Variants in TSGA10 observed in about 807,000 individuals in gnomAD.
TSGA10 encodes the protein testis-specific gene 10 protein.
Under a neutral mutation model 96.6 loss-of-function variants are expected in TSGA10, and 43 were observed. The observed-to-expected ratio is 0.44, with a 90% CI of 0.35 to 0.57. The LOEUF (loss-of-function observed/expected upper bound fraction) is 0.57, where lower values mean the gene tolerates loss of function less well. Ranked by LOEUF, TSGA10 falls within the 20% of genes least tolerant of loss-of-function variation. The pLI, the probability that TSGA10 is intolerant of heterozygous loss-of-function variation, is 0.01. For synonymous variants in TSGA10, 229 were observed against 269.9 expected, an observed-to-expected ratio of 0.85 and a Z score of 1.48; for missense variants, 703 against 834.4, an observed-to-expected ratio of 0.84 and a Z score of 1.94.
In TSGA10 at chr2:99,118,555, C is replaced by G; in HGVS notation, c.-360G>C. 1 of 982,056 alleles carries G rather than the reference C, an allele frequency of 1.0e-6. No individual in the cohort carries two copies. The highest frequency in any genetic ancestry group is 1.2e-6 in the Non-Finnish European group (1 of 827,690). The allele number at this position is 982,056 out of a possible 1,614,324, so 60.8% of individuals were successfully genotyped here. On this transcript the variant is annotated 5_prime_UTR_variant, in exon 3 of 21. Coordinates refer to ENST00000393483, the MANE Select transcript of TSGA10 (RefSeq NM_025244.4). ...TTGAAAGTATCAGTAACTTACTTGACTAAGCTAAATATCAAATCAATCAAG... is the reference window on the plus strand; with the variant it reads ...TTGAAAGTATCAGTAACTTACTTGAGTAAGCTAAATATCAAATCAATCAAG...
intron 20 of TSGA10, among the ~76,000 whole-genome samples, chr2:98,999,760 T>C (rs1269219425): frequency 2.0e-5 from 3 of 152,248 alleles, no homozygotes; most frequent in Non-Finnish European, 4.4e-5. Flanking sequence ...TGTTCTATTC[T>C]ATTTTTGAGA....
Position 99,105,558 on chromosome 2 carries a change from G to T in TSGA10, c.350C>A (p.Thr117Lys). ...VAFTDLRRMT[T>K]ERDSLRERLK... ...CCTCTCCCTTAGACTATCTCGTTCT[G>T]TGGTCATTCTTCGTAAATCAGTAAA... is the stretch of plus-strand genomic sequence containing the variant. Residue 117 changes from threonine to lysine, a missense_variant, in exon 8 of 21, where the codon ACA becomes AAA. Coordinates refer to ENST00000393483, the MANE Select transcript of TSGA10 (RefSeq NM_025244.4). The T allele has an allele frequency of 6.2e-7, 1 of 1,612,238 alleles. No individual in the cohort carries two copies. Among genetic ancestry groups the T allele is most frequent in the Non-Finnish European group, 8.5e-7 (1 of 1,178,436 alleles).
At chr2:99,047,162 C>G (rs983572958) in intron 16 of TSGA10, among the ~76,000 whole-genome samples, 41 of 152,194 alleles carry the variant, frequency 2.7e-4, no homozygotes, top group African/African-American at 9.7e-4. Context: ...GAGCTGGTAC[C>G]TTTCCTTCTG....
chr2:99,082,423 G>A (rs924265119), intron 10 of TSGA10, among the ~76,000 whole-genome samples: 1 of 152,044 alleles, frequency 6.6e-6, no homozygotes, highest in Admixed American at 6.6e-5. Context: ...CCCCTTCCTC[G>A]AGGCTGAGAG....
rs116333015 is a variant in TSGA10, at chr2:99,035,220, T to C, written c.1614+10A>G. Reference sequence around the variant, plus strand: ...AGCAATTTTAAAGATTTTTAAAATATATTACATACCATTTCTATTTCTTGA... The same window carrying C: ...AGCAATTTTAAAGATTTTTAAAATACATTACATACCATTTCTATTTCTTGA... On this transcript the variant is annotated intron_variant, in intron 17 of 20. Transcript: ENST00000393483. 5,397 of 1,582,772 alleles carry C rather than the reference T, an allele frequency of 3.4e-3. 166 individuals are homozygous for C. In the African/African-American group the frequency reaches 0.065, roughly 19 times the overall value.
chr2:99,105,328 A>G, intron 9 of TSGA10, 31 bp downstream of exon 9: 1 of 1,562,634 alleles, frequency 6.4e-7, no homozygotes, highest in Non-Finnish European at 8.6e-7. Flanking sequence ...GTTTATAGCC[A>G]AAAGAGACTT....
intron 20 of TSGA10, among the ~76,000 whole-genome samples, chr2:99,006,108 G>A (rs1245605262): frequency 1.3e-5 from 2 of 152,174 alleles, no homozygotes; most frequent in Non-Finnish European, 2.9e-5. Context: ...AGCTGAAACT[G>A]GATCCCTTCC....
chr2:99,078,602 T>TAAATG lies in TSGA10; in HGVS notation c.882+56_882+57insCATTT, dbSNP rs2087037202. 3 of 1,491,956 alleles carry TAAATG rather than the reference T, an allele frequency of 2.0e-6. No homozygotes were observed. The African/African-American group carries it at 4.2e-5, about 21-fold the overall frequency. 92.4% of individuals were successfully genotyped at this position (1,491,956 alleles called of 1,614,324 possible). ...GATTCTAGTTCTTTTAAACCATAGT[T>TAAATG]TAACATTTAACATTTCATTTAAACG... On this transcript the variant is annotated intron_variant, in intron 12 of 20. Coordinates refer to ENST00000393483, the MANE Select transcript of TSGA10 (RefSeq NM_025244.4).
chr2:99,107,679 G>A (rs866637375), intron 7 of TSGA10, among the ~76,000 whole-genome samples: 27 of 152,266 alleles, frequency 1.8e-4, no homozygotes, highest in Middle Eastern at 6.8e-3. Flanking sequence ...TAAAAATGAT[G>A]TGAAATTCAA....
intron 12 of TSGA10, among the ~76,000 whole-genome samples, chr2:99,077,942 T>C (rs933554387): frequency 2.6e-5 from 4 of 152,128 alleles, no homozygotes; most frequent in African/African-American, 9.6e-5. Context: ...ACCAGCCCTA[T>C]ATGATCTATT....
intron 20 of TSGA10, among the ~76,000 whole-genome samples, chr2:99,009,814 T>G (rs2078851671): frequency 1.3e-5 from 2 of 152,134 alleles, no homozygotes; most frequent in African/African-American, 4.8e-5. Flanking sequence ...TTGTTTATAT[T>G]TTTAAATGAG....
At chr2:99,133,099 T>A (rs2093172391) in intron 1 of TSGA10, among the ~76,000 whole-genome samples, 1 of 152,222 alleles carries the variant, frequency 6.6e-6, no homozygotes, top group African/African-American at 2.4e-5. Flanking sequence ...TAGATGTCTG[T>A]TAGGTCCGGT....
chr2:99,082,365 A>G (rs915436031), intron 10 of TSGA10, among the ~76,000 whole-genome samples: 1 of 152,068 alleles, frequency 6.6e-6, no homozygotes, highest in Non-Finnish European at 1.5e-5. Flanking sequence ...GAATTATTGC[A>G]TTTGAGCTCC....
At chr2:99,051,453 T>C (rs1201534316) in intron 16 of TSGA10, among the ~76,000 whole-genome samples, 4 of 152,114 alleles carry the variant, frequency 2.6e-5, no homozygotes, top group Non-Finnish European at 5.9e-5. Context: ...TACGTATATA[T>C]GAACTCAGTA....
chr2:99,018,838 G>A (rs1216679019), intron 18 of TSGA10, among the ~76,000 whole-genome samples, 198 bp from the exon 19 acceptor site: 2 of 152,110 alleles, frequency 1.3e-5, no homozygotes, highest in East Asian at 3.9e-4. Context: ...TACTTGAAAA[G>A]CCTAAGCAAT....
chr2:98,997,641 A>T lies in TSGA10; in HGVS notation c.*556T>A, dbSNP rs1220249766. ...TTACTTAGTCTTTGAGTGGTACAAT[A>T]CTATAGGTTTTAAAACCCTGACAAC... On this transcript the variant is annotated 3_prime_UTR_variant, in exon 21 of 21. Transcript: ENST00000393483. 1 of 152,254 alleles carries T rather than the reference A, an allele frequency of 6.6e-6. No homozygotes were observed. The highest frequency in any genetic ancestry group is 1.5e-5 in the Non-Finnish European group (1 of 68,118). The allele number at this position is 152,254 out of a possible 1,614,324, so 9.4% of individuals were successfully genotyped here.
At chr2:99,086,474 G>A (rs2088407998) in intron 10 of TSGA10, among the ~76,000 whole-genome samples, 1 of 152,162 alleles carries the variant, frequency 6.6e-6, no homozygotes, top group Non-Finnish European at 1.5e-5. Flanking sequence ...CATATTAACA[G>A]ACTGATAAAG....
chr2:99,124,134 A>G (rs1168547677), intron 2 of TSGA10, among the ~76,000 whole-genome samples: 7 of 152,160 alleles, frequency 4.6e-5, no homozygotes, highest in Non-Finnish European at 1.0e-4. Context: ...CCTCACCAAC[A>G]CTTGTTATTT....
At chr2:99,070,495 T>TA (rs1030235534) in intron 14 of TSGA10, among the ~76,000 whole-genome samples, 1 of 152,054 alleles carries the variant, frequency 6.6e-6, no homozygotes, top group Non-Finnish European at 1.5e-5. Flanking sequence ...GTATAGCAAT[T>TA]AAAAAAATAT....
Sources: allele counts gnomAD v4.1 joint callset (sites outside exome capture counted in the v4.1 genomes callset), GRCh38; gene constraint gnomAD v4.1.1; transcripts MANE v1.5; gene names NCBI Gene and HGNC (gene_info 2026-07-23, HGNC 2026-07-21).